Variants in ENOX1 observed in about 807,000 individuals in gnomAD.
ENOX1 encodes the protein ecto-NOX disulfide-thiol exchanger 1.
A neutral mutation model predicts 82.5 loss-of-function variants in ENOX1; 42 were observed. The observed-to-expected ratio is 0.51, with a 90% CI of 0.40 to 0.66. The LOEUF is 0.66. ENOX1 is among the 30% of genes least tolerant of loss of function. ENOX1 has a pLI of 0.00. For missense variants in ENOX1, 608 were observed against 811.6 expected, an observed-to-expected ratio of 0.75 and a Z score of 3.05; for synonymous variants, 271 against 282.2, an observed-to-expected ratio of 0.96 and a Z score of 0.40.
intron 3 of ENOX1, among the ~76,000 whole-genome samples, chr13:43,466,031 A>G (rs551815586): frequency 2.6e-5 from 4 of 152,200 alleles, no homozygotes; most frequent in Non-Finnish European, 5.9e-5. Flanking sequence ...GCACCCAGGA[A>G]GACTATAATT....
intron 1 of ENOX1, among the ~76,000 whole-genome samples, chr13:43,680,765 C>T (rs2085743622): frequency 6.6e-6 from 1 of 152,168 alleles, no homozygotes; most frequent in Non-Finnish European, 1.5e-5. Flanking sequence ...TCCCTGTGAA[C>T]ATACAACCCA....
chr13:43,353,945 A>G (rs1040319236), intron 8 of ENOX1, among the ~76,000 whole-genome samples: 2 of 152,260 alleles, frequency 1.3e-5, no homozygotes, highest in Non-Finnish European at 2.9e-5. Flanking sequence ...CAAATGCCAC[A>G]TACTTCATAC....
At chr13:43,775,618 T>C (rs981713344) in intron 1 of ENOX1, among the ~76,000 whole-genome samples, 7 of 152,216 alleles carry the variant, frequency 4.6e-5, no homozygotes, top group Admixed American at 2.0e-4. Context: ...CACGATTGGG[T>C]GGTTGATGTG....
In ENOX1 at chr13:43,660,913, T is replaced by A. The variant is rs1317948114; in HGVS notation, c.-219+6566A>T. ...GGCATAAGGGAAAAAAAAGCTCTTC[T>A]GCTTACAACACAGCTGTTTTAAGGT... On this transcript the variant is annotated intron_variant, in intron 2 of 16. Coordinates refer to ENST00000690772, the MANE Select transcript of ENOX1 (RefSeq NM_001347969.2). 2.6e-5 allele frequency among the ~76,000 whole-genome samples: 4 copies of A among 152,332 alleles called. No individual in the cohort carries two copies. In the East Asian group the frequency reaches 7.7e-4, roughly 29 times the overall value.
intron 2 of ENOX1, among the ~76,000 whole-genome samples, chr13:43,583,431 T>G (rs958768857): frequency 1.4e-4 from 22 of 152,220 alleles, no homozygotes; most frequent in African/African-American, 5.3e-4. Context: ...TGACACAGTT[T>G]TCTCTTCCAC....
At chr13:43,356,896 G>T (rs1034975770) in intron 7 of ENOX1, among the ~76,000 whole-genome samples, 1 of 151,928 alleles carries the variant, frequency 6.6e-6, no homozygotes, top group African/African-American at 2.4e-5. Context: ...ATATTTTAAG[G>T]CCACAGCAGC....
intron 2 of ENOX1, among the ~76,000 whole-genome samples, chr13:43,511,845 G>T (rs1212424590): frequency 6.6e-6 from 1 of 152,026 alleles, no homozygotes; most frequent in Admixed American, 6.6e-5. Context: ...TCCAAAAGGC[G>T]AGCACCACAT....
At chr13:43,322,251 CAG>C in intron 11 of ENOX1, 131 bp downstream of exon 11, 1 of 622,356 alleles carries the variant, frequency 1.6e-6, no homozygotes, top group Non-Finnish European at 2.8e-6. Context: ...TAATAAAAAG[CAG>C]AGTCACTCAA....
intron 7 of ENOX1, among the ~76,000 whole-genome samples, chr13:43,358,291 C>T (rs1330432706): frequency 6.6e-6 from 1 of 152,126 alleles, no homozygotes; most frequent in Non-Finnish European, 1.5e-5. Context: ...TACAGTTGAC[C>T]TGTGAGCATG....
rs568876538 is a variant in ENOX1, at chr13:43,389,706, A to G, written c.208+22210T>C. 1.2e-4 allele frequency among the ~76,000 whole-genome samples: 19 copies of G among 152,340 alleles called. No homozygotes were observed. The South Asian group carries it at 3.9e-3, about 32-fold the overall frequency. ...GAAGGTCAAAGAGGTAAAGGAATTT[A>G]ACTTTCTCTAGCCCTAAGTTCATAT... On this transcript the variant is annotated intron_variant, in intron 5 of 16. Transcript: ENST00000690772.
At chr13:43,743,033 T>C (rs1467269427) in intron 1 of ENOX1, among the ~76,000 whole-genome samples, 2 of 152,160 alleles carry the variant, frequency 1.3e-5, no homozygotes, top group Non-Finnish European at 2.9e-5. Flanking sequence ...TTAATGTTCC[T>C]TTACAGTGAA....
At position 43,460,824 on chromosome 13, in the gene ENOX1, AAAAAAAT is replaced by A. The variant is rs1425884955; in HGVS notation, c.-75+23178_-75+23184del. On this transcript the variant is annotated intron_variant, in intron 3 of 16. Coordinates refer to ENST00000690772, the MANE Select transcript of ENOX1 (RefSeq NM_001347969.2). Reference sequence around the variant, plus strand: ...AAAAAAAAAAAAAAAAAAAAAAAAAAAAAAAATAGGGATAGCTCTCTACAAACCAAGG... The same window carrying A: ...AAAAAAAAAAAAAAAAAAAAAAAAAAAGGGATAGCTCTCTACAAACCAAGG... Among the ~76,000 whole-genome samples, 64 of 19,730 alleles carry A rather than the reference AAAAAAAT, an allele frequency of 3.2e-3. 11 individuals are homozygous for A. Among genetic ancestry groups the A allele is most frequent in the Non-Finnish European group, 3.8e-3 (33 of 8,574 alleles). The allele number at this position is 19,730 out of a possible 152,430, so 12.9% of individuals were successfully genotyped here.
At chr13:43,472,438 T>C (rs1209635682) in intron 3 of ENOX1, among the ~76,000 whole-genome samples, 1 of 152,176 alleles carries the variant, frequency 6.6e-6, no homozygotes, top group Non-Finnish European at 1.5e-5. Context: ...AAATATTATA[T>C]TTAAAAAACC....
In ENOX1 at chr13:43,751,154, T is replaced by C. The variant is rs187883715; in HGVS notation, c.-285+35498A>G. Among the ~76,000 whole-genome samples the C allele has an allele frequency of 1.6e-4, 25 of 152,350 alleles. No homozygotes were observed. In the East Asian group the frequency reaches 3.5e-3, roughly 21 times the overall value. On this transcript the variant is annotated intron_variant, in intron 1 of 16. Transcript: ENST00000690772. ...CTTATCTCTCAATGCTTACTGGCAATATCTCTGCACCTAGAATGTTTTGTC... is the reference window on the plus strand; with the variant it reads ...CTTATCTCTCAATGCTTACTGGCAACATCTCTGCACCTAGAATGTTTTGTC...
intron 2 of ENOX1, among the ~76,000 whole-genome samples, chr13:43,572,979 T>C (rs1369466401): frequency 6.6e-6 from 1 of 152,238 alleles, no homozygotes; most frequent in African/African-American, 2.4e-5. Flanking sequence ...ATATAAATTA[T>C]GCATTCTTCG....
Position 43,716,399 on chromosome 13 carries a change from C to T in ENOX1, c.-284-48855G>A, listed in dbSNP as rs552568623. 8.5e-5 allele frequency among the ~76,000 whole-genome samples: 13 copies of T among 152,228 alleles called. No homozygotes were observed. In the South Asian group the frequency reaches 1.2e-3, roughly 15 times the overall value. On this transcript the variant is annotated intron_variant, in intron 1 of 16. Transcript: ENST00000690772. ...GTGGCTCAGATGGAAATGCAGAAAT[C>T]GCCCATCTTCTGCGTCGCTCATGCT...
At chr13:43,693,562 T>C (rs1357781226) in intron 1 of ENOX1, among the ~76,000 whole-genome samples, 1 of 152,194 alleles carries the variant, frequency 6.6e-6, no homozygotes, top group African/African-American at 2.4e-5. Context: ...GAAACAAGAA[T>C]GAACTGTTTC....
chr13:43,724,613 G>C (rs1220216094), intron 1 of ENOX1, among the ~76,000 whole-genome samples: 1 of 152,198 alleles, frequency 6.6e-6, no homozygotes, highest in Non-Finnish European at 1.5e-5. Context: ...CATAAGTGTA[G>C]ATTAAACAAA....
intron 2 of ENOX1, among the ~76,000 whole-genome samples, chr13:43,553,600 T>G (rs2079302033): frequency 6.6e-6 from 1 of 152,184 alleles, no homozygotes; most frequent in Non-Finnish European, 1.5e-5. Flanking sequence ...GTAGAGGGAT[T>G]AAAGGAAGTG....
Sources: gnomAD v4.1 joint callset for allele counts (sites outside exome capture counted in the v4.1 genomes callset) on GRCh38, gnomAD v4.1.1 for gene constraint, MANE v1.5 for transcripts, NCBI Gene and HGNC (gene_info 2026-07-23, HGNC 2026-07-21) for gene names.